The following TMEM272 variants were observed in gnomAD, a reference collection of about 807,000 sequenced individuals.
TMEM272 encodes the protein long intergenic non-protein coding RNA 282.
TMEM272 carries 8 observed loss-of-function variants against 3.7 expected under a neutral mutation model. The observed-to-expected ratio is 2.17, with a 90% confidence interval of 1.27 to 3.91. The LOEUF is 3.91. Among genes scored for constraint, TMEM272 ranks in the 30% most tolerant of loss-of-function variants. The pLI is 0.00. For missense variants in TMEM272, 166 were observed against 91.5 expected, an observed-to-expected ratio of 1.81 and a Z score of -3.32; for synonymous variants, 63 against 39.8, an observed-to-expected ratio of 1.58 and a Z score of -2.20.
At chr13:51,847,183 T>C (rs1383133175), upstream of TMEM272, among the ~76,000 whole-genome samples, 1 of 152,222 alleles carries the variant, frequency 6.6e-6, no homozygotes. Context: ...TACAGTAACA[T>C]GCCATGGTCT....
the TMEM272 span, chr13:51,908,731 G>A: frequency 6.3e-5 from 92 of 1,471,004 alleles, no homozygotes; most frequent in Non-Finnish European, 7.3e-5. Context: ...AGTCCAGAGC[G>A]TCTAGCAGAA....
At chr13:51,890,676 G>A in the TMEM272 span, among the ~76,000 whole-genome samples, 1 of 152,170 alleles carries the variant, frequency 6.6e-6, no homozygotes, top group African/African-American at 2.4e-5. Flanking sequence ...ATGTACGGGA[G>A]GCTTGTGTTT....
At chr13:51,890,962 T>C in the TMEM272 span, among the ~76,000 whole-genome samples, 4 of 152,360 alleles carry the variant, frequency 2.6e-5, no homozygotes, top group East Asian at 7.7e-4. Flanking sequence ...ACTGTTGTCA[T>C]GAATGTTGTA....
the TMEM272 span, chr13:51,930,513 G>A: frequency 1.3e-5 from 2 of 152,134 alleles, no homozygotes; most frequent in African/African-American, 4.8e-5. Flanking sequence ...ATTCCTCCTA[G>A]CTCCACAATA....
At chr13:51,867,833 C>T in the TMEM272 span, among the ~76,000 whole-genome samples, 43 of 152,130 alleles carry the variant, frequency 2.8e-4, no homozygotes, top group African/African-American at 9.7e-4. Flanking sequence ...AGAGGGCTGC[C>T]AGGGGCCCAC....
chr13:51,865,974 G>A, the TMEM272 span: 2 of 1,614,042 alleles, frequency 1.2e-6, no homozygotes, highest in Non-Finnish European at 1.7e-6. Flanking sequence ...AGGGCCTTCT[G>A]GATGGAGAAC....
chr13:51,867,665 T>G, the TMEM272 span, among the ~76,000 whole-genome samples: 4 of 152,168 alleles, frequency 2.6e-5, no homozygotes, highest in South Asian at 8.3e-4. Flanking sequence ...CTGGGTTCCC[T>G]GCAAGTCCTC....
At chr13:51,881,072 C>T in the TMEM272 span, among the ~76,000 whole-genome samples, 2 of 152,174 alleles carry the variant, frequency 1.3e-5, no homozygotes, top group Admixed American at 6.5e-5. Context: ...TAAAAAGAGG[C>T]TGAAGGATAA....
At chr13:51,892,891 G>A in the TMEM272 span, among the ~76,000 whole-genome samples, 17 of 152,234 alleles carry the variant, frequency 1.1e-4, no homozygotes, top group African/African-American at 4.1e-4. Flanking sequence ...GTTTTATAAC[G>A]TCCTTCTAAC....
At chr13:51,929,152 G>A in the TMEM272 span, among the ~76,000 whole-genome samples, 1 of 152,056 alleles carries the variant, frequency 6.6e-6, no homozygotes, top group Non-Finnish European at 1.5e-5. Context: ...AGCTGAGATT[G>A]TGCCACTGCA....
chr13:51,910,647 C>G, the TMEM272 span: 1 of 509,284 alleles, frequency 2.0e-6, no homozygotes, highest in South Asian at 1.8e-5. Context: ...CTGGCAGTGG[C>G]CAAAGTAACC....
the TMEM272 span, among the ~76,000 whole-genome samples, chr13:51,929,991 G>T: frequency 6.6e-6 from 1 of 152,224 alleles, no homozygotes; most frequent in Non-Finnish European, 1.5e-5. Flanking sequence ...CTGACACTTG[G>T]TCAGGTGTCG....
chr13:51,909,608 G>C, the TMEM272 span: 1 of 1,281,508 alleles, frequency 7.8e-7, no homozygotes, highest in Non-Finnish European at 1.1e-6. Context: ...TCAGATAACT[G>C]AATATAAATT....
At chr13:51,929,052 C>T in the TMEM272 span, among the ~76,000 whole-genome samples, 1 of 152,066 alleles carries the variant, frequency 6.6e-6, no homozygotes, top group Non-Finnish European at 1.5e-5. Flanking sequence ...CAAAAATTAG[C>T]TGGGTATGGT....
chr13:51,896,375 T>C, the TMEM272 span, among the ~76,000 whole-genome samples: 1 of 152,164 alleles, frequency 6.6e-6, no homozygotes, highest in Non-Finnish European at 1.5e-5. Context: ...ATGTATGTTT[T>C]TAGAATAATT....
the TMEM272 span, chr13:51,934,289 C>G: frequency 3.8e-6 from 1 of 265,936 alleles, no homozygotes; most frequent in Non-Finnish European, 7.5e-6. Context: ...AACAGGCACA[C>G]CTGAGGTAAA....
intron 4 of TMEM272, 91 bp downstream of exon 4, chr13:51,821,964 C>A: frequency 1.4e-6 from 1 of 699,570 alleles, no homozygotes; most frequent in South Asian, 1.5e-5. Context: ...TTTGTCTCCC[C>A]TGTGAATAGC....
At chr13:51,920,517 C>G in the TMEM272 span, among the ~76,000 whole-genome samples, 1 of 152,244 alleles carries the variant, frequency 6.6e-6, no homozygotes, top group Non-Finnish European at 1.5e-5. Context: ...GTGTCAACTT[C>G]TTGCTCTGCT....
chr13:51,830,662 C>A (rs959604016), intron 2 of TMEM272, among the ~76,000 whole-genome samples: 7 of 152,212 alleles, frequency 4.6e-5, no homozygotes, highest in Admixed American at 4.6e-4. Context: ...ACCCAGGCTT[C>A]CCCTTTATTT....
Sources: gnomAD v4.1 joint callset for allele counts (sites outside exome capture counted in the v4.1 genomes callset) on GRCh38, gnomAD v4.1.1 for gene constraint, MANE v1.5 for transcripts, NCBI Gene and HGNC (gene_info 2026-07-23, HGNC 2026-07-21) for gene names.